Variants in RTRAF observed in about 807,000 individuals in gnomAD.
RTRAF encodes tRNA-splicing ligase complex subunit RTRAF.
Under a neutral mutation model 34.4 loss-of-function variants are expected in RTRAF, and 14 were observed. The observed-to-expected ratio is 0.41, with a 90% CI of 0.27 to 0.64. The LOEUF is 0.64. Ranked by LOEUF, RTRAF falls within the 30% of genes least tolerant of loss-of-function variation. RTRAF has a pLI of 0.34. For missense variants in RTRAF, 291 were observed against 288.4 expected, an observed-to-expected ratio of 1.01 and a Z score of -0.06; for synonymous variants, 96 against 95.3, an observed-to-expected ratio of 1.01 and a Z score of -0.04.
chr14:52,007,681 G>T lies in RTRAF; in HGVS notation c.*3165G>T, dbSNP rs1890840935. ...CATTTACTAGTACTTAAATTTACTA[G>T]TACTTAAAAGTTTACAGACCAAAGA... is the stretch of plus-strand genomic sequence containing the variant. On this transcript the variant is annotated 3_prime_UTR_variant, in exon 8 of 8. Transcript: ENST00000261700. 7.2e-6 allele frequency: 6 copies of T among 838,144 alleles called. No homozygotes were observed. The highest frequency in any genetic ancestry group is 9.6e-6 in the Non-Finnish European group (5 of 518,378). The allele number at this position is 838,144 out of a possible 1,614,324, so 51.9% of individuals were successfully genotyped here.
In RTRAF at chr14:52,005,925, A is replaced by C. The variant is rs549754057; in HGVS notation, c.*1409A>C. ...AGAAGTCAGTCAGCCACAGAAAATCAGTTGCAATAGAGGAAAATTTCTGGC... is the reference window on the plus strand; with the variant it reads ...AGAAGTCAGTCAGCCACAGAAAATCCGTTGCAATAGAGGAAAATTTCTGGC... On this transcript the variant is annotated 3_prime_UTR_variant, in exon 8 of 8. Transcript: ENST00000261700. 8.8e-7 allele frequency: 1 copy of C among 1,134,576 alleles called. No individual in the cohort carries two copies. The highest frequency in any genetic ancestry group is 2.4e-5 in the East Asian group (1 of 42,434). The allele number at this position is 1,134,576 out of a possible 1,614,324, so 70.3% of individuals were successfully genotyped here.
intron 2 of RTRAF, 55 bp from the exon 3 acceptor site, chr14:51,993,668 C>T: frequency 9.2e-7 from 1 of 1,085,354 alleles, no homozygotes; most frequent in Admixed American, 2.2e-5. Context: ...ATTCTTTTTT[C>T]TGTGACTTTA....
rs1890736956 is a variant in RTRAF, at chr14:52,005,507, AG to A, written c.*992del. 1 of 1,596,222 alleles carries A rather than the reference AG, an allele frequency of 6.3e-7. No homozygotes were observed. Among genetic ancestry groups the A allele is most frequent in the African/African-American group, 1.4e-5 (1 of 73,874 alleles). ...GTACTTACTTTCTTCCTGTGAGAGA[AG>A]AGCAGGGGTGGGACAGGGTGGTGGG... On this transcript the variant is annotated 3_prime_UTR_variant, in exon 8 of 8. Coordinates refer to ENST00000261700, the MANE Select transcript of RTRAF (RefSeq NM_016039.3).
chr14:52,003,714 A>ATAAT (rs1298850131), intron 6 of RTRAF, among the ~76,000 whole-genome samples: 5 of 151,978 alleles, frequency 3.3e-5, no homozygotes, highest in Non-Finnish European at 5.9e-5. Flanking sequence ...TAAATTATAC[A>ATAAT]TAATTATACA....
intron 1 of RTRAF, among the ~76,000 whole-genome samples, chr14:51,990,233 C>T (rs978774229): frequency 2.0e-5 from 3 of 152,112 alleles, no homozygotes; most frequent in African/African-American, 7.2e-5. Context: ...CGTGTAGTAA[C>T]GGGCTAGTTG....
chr14:51,998,395 A>G (rs1890553325), intron 3 of RTRAF, 99 bp from the exon 4 acceptor site: 2 of 617,168 alleles, frequency 3.2e-6, no homozygotes, highest in South Asian at 3.0e-5. Flanking sequence ...GGGAAACTCA[A>G]CCTGTAATCA....
chr14:51,989,992 C>T (rs1350572041), intron 1 of RTRAF, among the ~76,000 whole-genome samples: 2 of 152,168 alleles, frequency 1.3e-5, no homozygotes, highest in Non-Finnish European at 1.5e-5. Context: ...TCGTCTTTCT[C>T]ACTCACTATT....
chr14:52,004,555 T>TTGGGAACCATACACTTCTGGCATG lies in RTRAF; in HGVS notation c.*41_*64dup. On this transcript the variant is annotated 3_prime_UTR_variant, in exon 8 of 8. Transcript: ENST00000261700. Reference sequence around the variant, plus strand: ...TCAGCTTCTCACCTACTTAGTACAGTTGGGAACCATACACTTCTGGCATGT... The same window carrying TTGGGAACCATACACTTCTGGCATG: ...TCAGCTTCTCACCTACTTAGTACAGTTGGGAACCATACACTTCTGGCATGTGGGAACCATACACTTCTGGCATGT... The TTGGGAACCATACACTTCTGGCATG allele has an allele frequency of 6.4e-7, 1 of 1,574,390 alleles. No homozygotes were observed. Among genetic ancestry groups the TTGGGAACCATACACTTCTGGCATG allele is most frequent in the Non-Finnish European group, 8.6e-7 (1 of 1,159,598 alleles).
intron 3 of RTRAF, among the ~76,000 whole-genome samples, chr14:51,997,056 AC>A (rs1479134200): frequency 6.6e-6 from 1 of 152,044 alleles, no homozygotes; most frequent in African/African-American, 2.4e-5. Context: ...ATTAGGAGAT[AC>A]GTGATAGCGA....
chr14:51,996,142 A>G (rs1481442379), intron 3 of RTRAF, among the ~76,000 whole-genome samples: 1 of 152,124 alleles, frequency 6.6e-6, no homozygotes, highest in African/African-American at 2.4e-5. Flanking sequence ...TTTAGTGAAT[A>G]AAAGAAGCTT....
Position 51,999,775 on chromosome 14 carries a change from T to C in RTRAF, c.441T>C (p.Asp147=), listed in dbSNP as rs1233554939. Residue 147 remains aspartate, a synonymous_variant, in exon 5 of 8, where the codon GAT becomes GAC. Transcript: ENST00000261700. Reference sequence around the variant, plus strand: ...ACCTGCTTCAGATTCAGCGTCATGATGATTACCTGGTAATGCTTAAGGTCA... The same window carrying C: ...ACCTGCTTCAGATTCAGCGTCATGACGATTACCTGGTAATGCTTAAGGTCA... The part of the protein sequence containing the change: ...LANLLQIQRH[D]DYLVMLKAIR... The C allele has an allele frequency of 6.2e-7, 1 of 1,609,980 alleles. No homozygotes were observed. Among genetic ancestry groups the C allele is most frequent in the African/African-American group, 1.3e-5 (1 of 74,858 alleles).
Position 52,007,677 on chromosome 14 carries a change from A to G in RTRAF, c.*3161A>G, listed in dbSNP as rs755396521. On this transcript the variant is annotated 3_prime_UTR_variant, in exon 8 of 8. Transcript: ENST00000261700. ...GACTCATTTACTAGTACTTAAATTT[A>G]CTAGTACTTAAAAGTTTACAGACCA... The G allele has an allele frequency of 1.8e-5, 15 of 811,636 alleles. No individual in the cohort carries two copies. The highest frequency in any genetic ancestry group is 2.4e-5 in the Admixed American group (1 of 42,398). The allele number at this position is 811,636 out of a possible 1,614,324, so 50.3% of individuals were successfully genotyped here.
At position 52,007,907 on chromosome 14, in the gene RTRAF, A is replaced by T. The variant is rs1052510124; in HGVS notation, c.*3391A>T. Reference sequence around the variant, plus strand: ...TGATCAGAATTCTTCTGTTTTCTCCATCTAAAGATGACGTTTCAATTTTAG... The same window carrying T: ...TGATCAGAATTCTTCTGTTTTCTCCTTCTAAAGATGACGTTTCAATTTTAG... On this transcript the variant is annotated 3_prime_UTR_variant, in exon 8 of 8. Coordinates refer to ENST00000261700, the MANE Select transcript of RTRAF (RefSeq NM_016039.3). 6.2e-7 allele frequency: 1 copy of T among 1,613,934 alleles called. No homozygotes were observed. Among genetic ancestry groups the T allele is most frequent in the Non-Finnish European group, 8.5e-7 (1 of 1,179,846 alleles).
chr14:51,995,393 CTCTTA>C (rs1890502950), intron 3 of RTRAF, among the ~76,000 whole-genome samples: 1 of 152,068 alleles, frequency 6.6e-6, no homozygotes, highest in Non-Finnish European at 1.5e-5. Flanking sequence ...ATTTTCCAGT[CTCTTA>C]TCTGATTCTG....
At chr14:51,993,616 A>C (rs2140327275) in intron 2 of RTRAF, 107 bp from the exon 3 acceptor site, 1 of 668,336 alleles carries the variant, frequency 1.5e-6, no homozygotes, top group South Asian at 1.8e-5. Flanking sequence ...TGTTATTAAA[A>C]AATTGTTAGA....
Position 52,007,649 on chromosome 14 carries a change from T to C in RTRAF, c.*3133T>C. 1 of 694,482 alleles carries C rather than the reference T, an allele frequency of 1.4e-6. No homozygotes were observed. Among genetic ancestry groups the C allele is most frequent in the Non-Finnish European group, 2.5e-6 (1 of 406,126 alleles). 43.0% of individuals were successfully genotyped at this position (694,482 alleles called of 1,614,324 possible). Reference sequence around the variant, plus strand: ...CACCCAAACCCCAGAAAGTTCATTTTAAGACTCATTTACTAGTACTTAAAT... The same window carrying C: ...CACCCAAACCCCAGAAAGTTCATTTCAAGACTCATTTACTAGTACTTAAAT... On this transcript the variant is annotated 3_prime_UTR_variant, in exon 8 of 8. Transcript: ENST00000261700.
Position 52,005,828 on chromosome 14 carries a change from A to G in RTRAF, c.*1312A>G, listed in dbSNP as rs370682054. On this transcript the variant is annotated 3_prime_UTR_variant, in exon 8 of 8. Coordinates refer to ENST00000261700, the MANE Select transcript of RTRAF (RefSeq NM_016039.3). The stretch of plus-strand genomic sequence containing the variant: ...CATCAGTAAACTGGCCACTATGTTT[A>G]TTTACTGATACAACACCATCCCTGG... 5 of 1,611,992 alleles carry G rather than the reference A, an allele frequency of 3.1e-6. No individual in the cohort carries two copies. The African/African-American group carries it at 6.7e-5, about 22-fold the overall frequency.
rs551802718 is a variant in RTRAF, at chr14:51,997,206, A to G, written c.287-1288A>G. On this transcript the variant is annotated intron_variant, in intron 3 of 7. Transcript: ENST00000261700. ...TGTATCAATTATGTTTTTGCGCCTC[A>G]AGTTTCCCCCACTAGTTTTAGCAAC... is the stretch of plus-strand genomic sequence containing the variant. 7.2e-5 allele frequency among the ~76,000 whole-genome samples: 11 copies of G among 152,040 alleles called. 1 individual carries two copies. The East Asian group carries it at 2.1e-3, about 29-fold the overall frequency.
At position 52,005,499 on chromosome 14, in the gene RTRAF, G is replaced by T. The variant is rs754636093; in HGVS notation, c.*983G>T. On this transcript the variant is annotated 3_prime_UTR_variant, in exon 8 of 8. Transcript: ENST00000261700. ...ACATTACTGTACTTACTTTCTTCCT[G>T]TGAGAGAAGAGCAGGGGTGGGACAG... The T allele has an allele frequency of 2.3e-5, 36 of 1,598,578 alleles. No homozygotes were observed. Among genetic ancestry groups the T allele is most frequent in the Admixed American group, 7.0e-5 (4 of 56,818 alleles).
Sources: allele counts gnomAD v4.1 joint callset (sites outside exome capture counted in the v4.1 genomes callset), GRCh38; gene constraint gnomAD v4.1.1; transcripts MANE v1.5; gene names NCBI Gene and HGNC (gene_info 2026-07-23, HGNC 2026-07-21).